ZFHX4: variants seen among roughly 807,000 people sequenced by gnomAD.
The protein encoded by ZFHX4 is zinc finger homeobox protein 4.
A neutral mutation model predicts 267.6 loss-of-function variants in ZFHX4; 56 were observed. The ratio of observed to expected loss-of-function variants is 0.21; its 90% CI spans 0.17 to 0.26. The LOEUF is 0.26. Ranked by LOEUF, ZFHX4 falls within the 10% of genes least tolerant of loss-of-function variation. The pLI is 1.00. For missense variants in ZFHX4, 4,332 were observed against 4,420.0 expected (o/e 0.98, Z 0.56); for synonymous variants, 1,778 against 1,665.6 (o/e 1.07, Z -1.64).
chr8:76,800,263 C>T (rs967234065), intron 4 of ZFHX4, among the ~76,000 whole-genome samples: 1 of 152,124 alleles, frequency 6.6e-6, no homozygotes, highest in African/African-American at 2.4e-5. Context: ...TGGAAATAAA[C>T]GCCCTGTTTG....
chr8:76,855,237 T>A lies in ZFHX4; in HGVS notation c.8316T>A (p.Ser2772=). The part of the protein sequence containing the change: ...LSPKNLLSPS[S]FKAECSEDVE... ...CGAAGAATCTTTTAAGCCCTTCTTC[T>A]TTTAAAGCAGAGTGTTCTGAGGATG... The change falls in exon 10 of 11, where the codon TCT becomes TCA. Residue 2772 remains serine (S), a synonymous_variant. Transcript: ENST00000651372. The A allele has an allele frequency of 6.2e-7, 1 of 1,612,264 alleles. No homozygotes were observed. Among genetic ancestry groups the A allele is most frequent in the Non-Finnish European group, 8.5e-7 (1 of 1,179,316 alleles).
chr8:76,705,869 C>T lies in ZFHX4; in HGVS notation c.1781C>T (p.Thr594Ile). Reference sequence around the variant, plus strand: ...GCCACTCCTCACCAGCATGGCTTTACCCCGAGTACTCCTGGCACACCAGGG... The same window carrying T: ...GCCACTCCTCACCAGCATGGCTTTATCCCGAGTACTCCTGGCACACCAGGG... ...SSATPHQHGF[T>I]PSTPGTPGPG... The change falls in exon 2 of 11, where the codon ACC (threonine) becomes ATC (isoleucine). Residue 594 changes from threonine to isoleucine, a missense_variant. Transcript: ENST00000651372. 1.2e-6 allele frequency: 2 copies of T among 1,613,826 alleles called. No homozygotes were observed. Among genetic ancestry groups the T allele is most frequent in the Admixed American group, 3.3e-5 (2 of 60,000 alleles).
At chr8:76,736,943 A>C (rs778022050) in intron 3 of ZFHX4, among the ~76,000 whole-genome samples, 3 of 151,802 alleles carry the variant, frequency 2.0e-5, no homozygotes, top group African/African-American at 4.9e-5. Flanking sequence ...CAGATGACAC[A>C]TGTGAATAAT....
Position 76,863,087 on chromosome 8 carries a change from T to G in ZFHX4, c.9380-7T>G. ...GACAGTGGCCATCTCTCTGTTGTTG[T>G]TTTCAGCTTTAACACCTCCCGGTGC... On this transcript the variant is annotated splice_polypyrimidine_tract_variant and splice_region_variant and intron_variant, in intron 10 of 10. Coordinates refer to ENST00000651372, the MANE Select transcript of ZFHX4 (RefSeq NM_024721.5). 6.7e-7 allele frequency: 1 copy of G among 1,497,710 alleles called. No individual in the cohort carries two copies. Among genetic ancestry groups the G allele is most frequent in the Non-Finnish European group, 8.9e-7 (1 of 1,122,798 alleles). The allele number at this position is 1,497,710 out of a possible 1,614,324, so 92.8% of individuals were successfully genotyped here. A position where few individuals can be genotyped will look rare whatever the true frequency, so the allele number is the denominator to read the frequency against.
At chr8:76,731,909 G>A (rs574688443) in intron 3 of ZFHX4, among the ~76,000 whole-genome samples, 24 of 145,950 alleles carry the variant, frequency 1.6e-4, no homozygotes, top group Admixed American at 5.2e-4. Context: ...ACAGAAGCTC[G>A]CTCTATCACC....
intron 4 of ZFHX4, among the ~76,000 whole-genome samples, chr8:76,825,289 A>T (rs980317696): frequency 6.6e-6 from 1 of 152,210 alleles, no homozygotes; most frequent in Non-Finnish European, 1.5e-5. Context: ...CTGCAAACTT[A>T]TTATTGTTTC....
chr8:76,710,043 C>G (rs1248733075), intron 3 of ZFHX4, among the ~76,000 whole-genome samples: 1 of 152,122 alleles, frequency 6.6e-6, no homozygotes, highest in Non-Finnish European at 1.5e-5. Flanking sequence ...AAGGTGTACT[C>G]TTTCCTTAAA....
Position 76,704,897 on chromosome 8 carries a change from G to A in ZFHX4, c.809G>A (p.Ser270Asn), listed in dbSNP as rs754970156. The change falls in exon 2 of 11, where the codon AGC (serine) becomes AAC (asparagine). Residue 270 changes from serine (S) to asparagine (N), a missense_variant. This residue lies in a region of ZFHX4 where 1,195 missense variants were observed against 1,173.6 expected (regional missense o/e 1.02). Transcript: ENST00000651372. ...TTGTCCAAATTCGATGGTTGTGTTA[G>A]CGATGGGAAAAGGAAACCTGTTTTA... is the stretch of plus-strand genomic sequence containing the variant. ...VDLSKFDGCV[S>N]DGKRKPVLMC... The A allele has an allele frequency of 1.4e-5, 23 of 1,614,188 alleles. No homozygotes were observed. The highest frequency in any genetic ancestry group is 1.9e-5 in the Non-Finnish European group (23 of 1,180,022).
chr8:76,837,099 T>C (rs1173370714), intron 5 of ZFHX4, among the ~76,000 whole-genome samples: 1 of 152,034 alleles, frequency 6.6e-6, no homozygotes, highest in Non-Finnish European at 1.5e-5. Flanking sequence ...TCCAGTACAG[T>C]TACAAAATAT....
rs1323521821 is a variant in ZFHX4, at chr8:76,681,419, AC to A, written c.-243del. 1 of 395,568 alleles carries A rather than the reference AC, an allele frequency of 2.5e-6. No individual in the cohort carries two copies. The highest frequency in any genetic ancestry group is 4.4e-6 in the Non-Finnish European group (1 of 225,268). 24.5% of individuals were successfully genotyped at this position (395,568 alleles called of 1,614,324 possible). A position where few individuals can be genotyped will look rare whatever the true frequency, so the allele number is the denominator to read the frequency against. On this transcript the variant is annotated 5_prime_UTR_variant, in exon 1 of 11. Transcript: ENST00000651372. ...CGGCACATGCTTTAACTCCTCCCGG[AC>A]CCCCGAGGACCGCTCCATGCCCCCC...
At chr8:76,686,476 A>G (rs1807696032) in intron 1 of ZFHX4, among the ~76,000 whole-genome samples, 1 of 152,192 alleles carries the variant, frequency 6.6e-6, no homozygotes, top group South Asian at 2.1e-4. Flanking sequence ...ATTAATCTCA[A>G]TAAAATTAAT....
intron 5 of ZFHX4, among the ~76,000 whole-genome samples, chr8:76,840,017 G>T (rs936919731): frequency 6.6e-6 from 1 of 152,222 alleles, no homozygotes; most frequent in Non-Finnish European, 1.5e-5. Context: ...AAACTTTATG[G>T]TGTGTATAAG....
chr8:76,822,438 T>C (rs1811674129), intron 4 of ZFHX4, among the ~76,000 whole-genome samples: 1 of 150,652 alleles, frequency 6.6e-6, no homozygotes, highest in Admixed American at 6.6e-5. Flanking sequence ...CACTATCTGA[T>C]CCTGTGTCTA....
rs746616244 is a variant in ZFHX4, at chr8:76,855,757, G to T, written c.8836G>T (p.Ala2946Ser). The T allele has an allele frequency of 1.9e-6, 3 of 1,613,816 alleles. No individual in the cohort carries two copies. Among genetic ancestry groups the T allele is most frequent in the East Asian group, 2.2e-5 (1 of 44,868 alleles). Residue 2946 changes from alanine to serine, a missense_variant, in exon 10 of 11, where the codon GCT becomes TCT. This residue lies in a region of ZFHX4 where 1,648 missense variants were observed against 1,625.0 expected (regional missense o/e 1.01). Transcript: ENST00000651372. ...MSNLQLKVLKACFSDYRTPTM... is the reference protein window; with the variant it reads ...MSNLQLKVLKSCFSDYRTPTM... ...CAATCTTCAACTCAAGGTTCTCAAGGCTTGCTTTAGTGACTACCGAACTCC... is the reference window on the plus strand; with the variant it reads ...CAATCTTCAACTCAAGGTTCTCAAGTCTTGCTTTAGTGACTACCGAACTCC...
rs995552891 is a variant in ZFHX4, at chr8:76,864,229, G to C, written c.10515G>C (p.Ser3505=). ...CSPNPNTTST[S]QSAASSNNTY... is the part of the protein sequence containing the mutation. Reference sequence around the variant, plus strand: ...CTAATCCTAACACCACATCTACCTCGCAGTCTGCAGCTTCTTCTAATAACA... The same window carrying C: ...CTAATCCTAACACCACATCTACCTCCCAGTCTGCAGCTTCTTCTAATAACA... Residue 3505 remains serine, a synonymous_variant, in exon 11 of 11, where the codon TCG becomes TCC. Transcript: ENST00000651372. 1 of 1,613,824 alleles carries C rather than the reference G, an allele frequency of 6.2e-7. No individual in the cohort carries two copies. Among genetic ancestry groups the C allele is most frequent in the Non-Finnish European group, 8.5e-7 (1 of 1,179,840 alleles).
At chr8:76,749,422 G>A (rs1393761368) in intron 3 of ZFHX4, among the ~76,000 whole-genome samples, 2 of 152,160 alleles carry the variant, frequency 1.3e-5, no homozygotes, top group African/African-American at 2.4e-5. Flanking sequence ...TTCTTCAGAA[G>A]AATAGTATCT....
At chr8:76,740,234 TG>T (rs1398316248) in intron 3 of ZFHX4, among the ~76,000 whole-genome samples, 1 of 151,668 alleles carries the variant, frequency 6.6e-6, no homozygotes, top group Non-Finnish European at 1.5e-5. Flanking sequence ...TATTCCCTGG[TG>T]CTTAAAACAT....
chr8:76,792,180 G>A (rs1037214574), intron 4 of ZFHX4, among the ~76,000 whole-genome samples: 6 of 152,056 alleles, frequency 3.9e-5, no homozygotes, highest in African/African-American at 9.7e-5. Context: ...ATTCTGTAAC[G>A]TAACAGCAAC....
intron 10 of ZFHX4, among the ~76,000 whole-genome samples, chr8:76,859,832 G>C (rs1162230477): frequency 6.6e-6 from 1 of 151,972 alleles, no homozygotes; most frequent in Non-Finnish European, 1.5e-5. Flanking sequence ...AAGAAACTTG[G>C]AGAAAATGAA....
Sources: allele counts gnomAD v4.1 joint callset (sites outside exome capture counted in the v4.1 genomes callset), GRCh38; gene constraint gnomAD v4.1.1; regional missense constraint gnomAD v4.1.1; transcripts MANE v1.5; gene names NCBI Gene and HGNC (gene_info 2026-07-23, HGNC 2026-07-21).